The following FBXW10 variants were observed in gnomAD, a reference collection of about 807,000 sequenced individuals.
FBXW10 encodes F-box/WD repeat-containing protein 10.
In FBXW10, 68 loss-of-function variants were observed where a neutral mutation model predicts 113.1. The ratio of observed to expected loss-of-function variants is 0.60; its 90% CI spans 0.49 to 0.74. The LOEUF is 0.74. Among genes scored for constraint, FBXW10 ranks in the 30% least tolerant of loss-of-function variants. The probability of loss-of-function intolerance (pLI) is 0.00; values close to 1 mark genes in which losing one functional copy is unlikely to be tolerated. For missense variants in FBXW10, 753 were observed against 1,284.5 expected (o/e 0.59, Z 6.32); for synonymous variants, 289 against 481.6 (o/e 0.60, Z 5.24).
chr17:18,776,153 T>C (rs895561832), intron 13 of FBXW10, among the ~76,000 whole-genome samples: 3 of 152,030 alleles, frequency 2.0e-5, no homozygotes, highest in African/African-American at 7.2e-5. Context: ...ACCCCATCTC[T>C]ACTAAAAGTA....
chr17:18,767,948 A>C (rs1356306886), intron 9 of FBXW10, among the ~76,000 whole-genome samples: 1 of 152,040 alleles, frequency 6.6e-6, no homozygotes, highest in East Asian at 1.9e-4. Flanking sequence ...CCTTAACCCG[A>C]GAGAGAGCTC....
At chr17:18,773,897 A>C (rs1289656553) in intron 12 of FBXW10, among the ~76,000 whole-genome samples, 1 of 152,226 alleles carries the variant, frequency 6.6e-6, no homozygotes, top group Non-Finnish European at 1.5e-5. Context: ...ACCAAAGACT[A>C]GTGACCAGTG....
At chr17:18,762,191 T>C (rs189625302) in intron 7 of FBXW10, among the ~76,000 whole-genome samples, 13,279 of 152,018 alleles carry the variant, frequency 0.087, 660 homozygotes, top group African/African-American at 0.13. Context: ...CTCGATCTCC[T>C]GACCTTGTGA....
chr17:18,752,910 G>A (rs1366573283), intron 5 of FBXW10, among the ~76,000 whole-genome samples: 1 of 152,116 alleles, frequency 6.6e-6, no homozygotes, highest in African/African-American at 2.4e-5. Context: ...GCTCTTTTAA[G>A]TATAACACAA....
rs191036026 is a variant in FBXW10 at position 18,759,434 on chromosome 17, T to C, written c.1433+929T>C. On this transcript the variant is annotated intron_variant, in intron 7 of 13. Transcript: ENST00000395665. Reference sequence around the variant, plus strand: ...GTTTTTGAACTCAACATAAAAAGAATCATATTTTAAAAATTTGTTGGTACC... The same window carrying C: ...GTTTTTGAACTCAACATAAAAAGAACCATATTTTAAAAATTTGTTGGTACC... Among the ~76,000 whole-genome samples the C allele has an allele frequency of 9.8e-3, 1,490 of 152,270 alleles. 25 individuals carry two copies. Among genetic ancestry groups the C allele is most frequent in the African/African-American group, 0.034 (1,426 of 41,530 alleles).
Position 18,750,931 on chromosome 17 carries a change from G to A in FBXW10, c.1000G>A (p.Gly334Arg). 2 of 1,607,136 alleles carry A rather than the reference G, an allele frequency of 1.2e-6. No homozygotes were observed. Among genetic ancestry groups the A allele is most frequent in the African/African-American group, 2.7e-5 (2 of 74,444 alleles). ...FIQNQITFLQ[G>R]SYTRGIDPNY... ...TTTTTTATTTTTTGTCTTTTTCCAG[G>A]GGTCCTACACAAGAGGAATTGATCC... Residue 334 changes from glycine (G) to arginine (R), a missense_variant and splice_region_variant, in exon 5 of 14, where the codon GGG becomes AGG. Gly to Arg is a moderately radical substitution (Grantham distance 125). Coordinates refer to ENST00000395665, the MANE Select transcript of FBXW10 (RefSeq NM_001267585.2).
intron 7 of FBXW10, among the ~76,000 whole-genome samples, chr17:18,761,508 G>C (rs1409584390): frequency 1.3e-5 from 2 of 151,922 alleles, no homozygotes; most frequent in Non-Finnish European, 2.9e-5. Flanking sequence ...CTCGTGATTC[G>C]CCCGCCTCGG....
At chr17:18,764,446 C>T (rs1418537482) in intron 7 of FBXW10, among the ~76,000 whole-genome samples, 8 of 151,984 alleles carry the variant, frequency 5.3e-5, no homozygotes, top group East Asian at 1.9e-4. Flanking sequence ...ATGATCTGCC[C>T]GCCTCAGCCT....
At chr17:18,751,318 C>T (rs1466632498) in intron 5 of FBXW10, among the ~76,000 whole-genome samples, 5 of 151,824 alleles carry the variant, frequency 3.3e-5, no homozygotes, top group African/African-American at 4.8e-5. Context: ...CTCCGCCTCC[C>T]GGGTTCACGC....
intron 10 of FBXW10, among the ~76,000 whole-genome samples, chr17:18,769,079 G>A (rs2035559157): frequency 6.6e-6 from 1 of 151,412 alleles, no homozygotes; most frequent in African/African-American, 2.4e-5. Context: ...GGGACTACAG[G>A]CGCCCACCAC....
chr17:18,771,742 C>G (rs1017652837), intron 11 of FBXW10, among the ~76,000 whole-genome samples: 28 of 152,190 alleles, frequency 1.8e-4, no homozygotes, highest in African/African-American at 6.8e-4. Flanking sequence ...TTCAAGACAT[C>G]TGTGTGCAGA....
At chr17:18,773,461 G>A (rs568823594) in intron 12 of FBXW10, among the ~76,000 whole-genome samples, 194 of 152,322 alleles carry the variant, frequency 1.3e-3, no homozygotes, top group Middle Eastern at 0.01. Flanking sequence ...GTTTGTAGCT[G>A]GAAAATCTTA....
Position 18,745,185 on chromosome 17 carries a change from G to A in FBXW10, c.505+436G>A, listed in dbSNP as rs1288210837. On this transcript the variant is annotated intron_variant, in intron 1 of 13. Coordinates refer to ENST00000395665, the MANE Select transcript of FBXW10 (RefSeq NM_001267585.2). ...ACCAGACCAAGAAGTCAAAACTTAG[G>A]GCTTTTTTTTTTTTTTTCATTCACT... The A allele has an allele frequency of 6.9e-6, 7 of 1,010,316 alleles. No individual in the cohort carries two copies. In the African/African-American group the frequency reaches 7.0e-5, roughly 10 times the overall value. The allele number at this position is 1,010,316 out of a possible 1,614,324, so 62.6% of individuals were successfully genotyped here.
At position 18,748,098 on chromosome 17, in the gene FBXW10, T is replaced by C. The variant is rs1158129327; in HGVS notation, c.663T>C (p.Ser221=). The C allele has an allele frequency of 1.2e-6, 2 of 1,613,736 alleles. No individual in the cohort carries two copies. The highest frequency in any genetic ancestry group is 1.7e-6 in the Non-Finnish European group (2 of 1,179,860). Residue 221 remains serine, a synonymous_variant, in exon 2 of 14, where the codon TCT becomes TCC. Coordinates refer to ENST00000395665, the MANE Select transcript of FBXW10 (RefSeq NM_001267585.2). ...PENEHLLGAA[S]NPEEPWRNSL... ...ATGAACACTTGCTTGGGGCAGCATC[T>C]AACCCTGGTAAGTGAACTTTCAGCA...
chr17:18,749,327 A>G (rs2035107667), intron 2 of FBXW10, among the ~76,000 whole-genome samples: 1 of 151,862 alleles, frequency 6.6e-6, no homozygotes, highest in Admixed American at 6.6e-5. Context: ...TCACACGGTC[A>G]GGAGATCGAG....
At chr17:18,761,560 C>G (rs550930753) in intron 7 of FBXW10, among the ~76,000 whole-genome samples, 2 of 152,086 alleles carry the variant, frequency 1.3e-5, no homozygotes, top group South Asian at 4.1e-4. Context: ...CCACCGCGCC[C>G]GGCCTCACTT....
chr17:18,772,459 A>G lies in FBXW10; in HGVS notation c.2054A>G (p.His685Arg). Reference protein sequence around the residue: ...ESNVLMFQFEHIKWQYAVEKT... With the variant: ...ESNVLMFQFERIKWQYAVEKT... ...AATGTTCTCATGTTCCAGTTTGAGCACATAAAGTGGCAGTATGCCGTGGAA... is the reference window on the plus strand; with the variant it reads ...AATGTTCTCATGTTCCAGTTTGAGCGCATAAAGTGGCAGTATGCCGTGGAA... The change falls in exon 12 of 14, where the codon CAC becomes CGC. Residue 685 changes from histidine (H) to arginine (R), a missense_variant. Coordinates refer to ENST00000395665, the MANE Select transcript of FBXW10 (RefSeq NM_001267585.2). The G allele has an allele frequency of 1.2e-6, 2 of 1,614,182 alleles. No individual in the cohort carries two copies. The highest frequency in any genetic ancestry group is 1.7e-6 in the Non-Finnish European group (2 of 1,179,970).
At chr17:18,769,621 A>C (rs992513462) in intron 10 of FBXW10, 3 of 266,958 alleles carry the variant, frequency 1.1e-5, no homozygotes, top group Non-Finnish European at 2.1e-5. Context: ...TACTAAATAC[A>C]AAAAAATTAG....
At chr17:18,753,876 CA>C (rs772287091) in intron 5 of FBXW10, among the ~76,000 whole-genome samples, 485 of 123,700 alleles carry the variant, frequency 3.9e-3, no homozygotes, top group African/African-American at 9.0e-3. Flanking sequence ...GACTCCATCT[CA>C]AAAAAAAAAA....
Sources: gnomAD v4.1 joint callset for allele counts (sites outside exome capture counted in the v4.1 genomes callset) on GRCh38, gnomAD v4.1.1 for gene constraint, MANE v1.5 for transcripts, NCBI Gene and HGNC (gene_info 2026-07-23, HGNC 2026-07-21) for gene names.